Variants in MPP7 observed in about 807,000 individuals in gnomAD.
MPP7 encodes the protein MAGUK p55 subfamily member 7.
In MPP7, 60 loss-of-function variants were observed where a neutral mutation model predicts 76.5. That is an observed-to-expected ratio of 0.78 (90% CI 0.64 to 0.97). The LOEUF (loss-of-function observed/expected upper bound fraction) is 0.97, where lower values mean the gene tolerates loss of function less well. Ranked by LOEUF, MPP7 falls within the 50% of genes least tolerant of loss-of-function variation. MPP7 has a pLI of 0.00. For missense variants in MPP7, 641 were observed against 694.0 expected (o/e 0.92, Z 0.86); for synonymous variants, 237 against 244.5 (o/e 0.97, Z 0.29).
intron 3 of MPP7, among the ~76,000 whole-genome samples, chr10:28,151,550 T>G (rs1235131423): frequency 6.6e-6 from 1 of 152,230 alleles, no homozygotes; most frequent in African/African-American, 2.4e-5. Flanking sequence ...GCTTCCCTGC[T>G]ATAATAAACA....
chr10:28,195,645 A>G (rs1245199993), intron 3 of MPP7, among the ~76,000 whole-genome samples: 1 of 152,232 alleles, frequency 6.6e-6, no homozygotes. Context: ...AAAAAGCCAC[A>G]GATGATGCCA....
At chr10:28,162,873 TTC>T (rs148627992) in intron 3 of MPP7, among the ~76,000 whole-genome samples, 4 of 150,022 alleles carry the variant, frequency 2.7e-5, no homozygotes, top group Non-Finnish European at 3.0e-5. Context: ...CTCTCTCTCT[TTC>T]TCTCTCTCTC....
At position 28,125,091 on chromosome 10, in the gene MPP7, C is replaced by A. The variant is rs1222802298; in HGVS notation, c.448G>T (p.Gly150Ter). The stretch of plus-strand genomic sequence containing the variant: ...TGTTCATCCTTCTTAATGGTAGCTC[C>A]CTTTTAAGACAAAAACAAAAAGCAT... ...IRLVKNREPLGATIKKDEQTG... is the reference protein window; with the variant it reads ...IRLVKNREPL Residue 150 changes from glycine to a stop codon, truncating the protein, a stop_gained and splice_region_variant, in exon 7 of 17, where the codon GGA becomes TGA. Transcript: ENST00000683449. LOFTEE classifies it high-confidence loss of function. The A allele has an allele frequency of 6.2e-7, 1 of 1,613,544 alleles. No homozygotes were observed. The highest frequency in any genetic ancestry group is 8.5e-7 in the Non-Finnish European group (1 of 1,179,600).
chr10:28,185,789 TA>T (rs1479663699), intron 3 of MPP7, among the ~76,000 whole-genome samples: 2 of 152,224 alleles, frequency 1.3e-5, no homozygotes, highest in Non-Finnish European at 2.9e-5. Flanking sequence ...GAAATATAAT[TA>T]AATGTGGTGG....
At chr10:28,321,948 CGTGTGTGTGTGTGTGT>C (rs3064171) in intron 2 of MPP7, among the ~76,000 whole-genome samples, 13 of 143,460 alleles carry the variant, frequency 9.1e-5, no homozygotes, top group Admixed American at 6.3e-4. Flanking sequence ...TTTTTGTAGA[CGTGTGTGTGTGTGTGT>C]GTGTGTGTGT....
At chr10:28,265,450 T>C (rs534155091) in intron 1 of MPP7, among the ~76,000 whole-genome samples, 3 of 152,168 alleles carry the variant, frequency 2.0e-5, no homozygotes, top group African/African-American at 7.2e-5. Context: ...TCCCAGCTGC[T>C]TGGGAGGCTG....
intron 2 of MPP7, among the ~76,000 whole-genome samples, chr10:28,213,381 G>A (rs990933821): frequency 6.6e-6 from 1 of 152,114 alleles, no homozygotes; most frequent in African/African-American, 2.4e-5. Context: ...CCCACGTGGG[G>A]CAAATGTGGT....
chr10:28,145,511 C>CT (rs1835674956), intron 5 of MPP7, among the ~76,000 whole-genome samples: 1 of 151,988 alleles, frequency 6.6e-6, no homozygotes, highest in East Asian at 1.9e-4. Context: ...CTGAAATAGT[C>CT]TAAAATTTAT....
chr10:28,126,197 T>A (rs1194860319), intron 6 of MPP7, among the ~76,000 whole-genome samples: 6 of 152,214 alleles, frequency 3.9e-5, no homozygotes, highest in South Asian at 2.1e-4. Flanking sequence ...TTTCATCACC[T>A]GTGCATGTAT....
chr10:28,080,170 G>A (rs1852694535), intron 12 of MPP7, among the ~76,000 whole-genome samples: 1 of 151,916 alleles, frequency 6.6e-6, no homozygotes, highest in Non-Finnish European at 1.5e-5. Context: ...CAAAAGAAAA[G>A]TAAAAAGTGG....
At chr10:28,128,160 C>G (rs991317055) in intron 6 of MPP7, among the ~76,000 whole-genome samples, 10 of 152,004 alleles carry the variant, frequency 6.6e-5, no homozygotes, top group African/African-American at 2.4e-4. Flanking sequence ...GGGGCACAAC[C>G]TAGGAGGACC....
At chr10:28,222,402 C>G (rs185964795) in intron 2 of MPP7, among the ~76,000 whole-genome samples, 193 of 151,922 alleles carry the variant, frequency 1.3e-3, no homozygotes, top group Non-Finnish European at 2.3e-3. Flanking sequence ...GGAGGATCAC[C>G]TGGGCCTGGG....
rs887722050 is a variant in MPP7 at position 28,201,157 on chromosome 10, G to A, written c.156+996C>T. 3.9e-5 allele frequency among the ~76,000 whole-genome samples: 6 copies of A among 152,224 alleles called. No homozygotes were observed. In the East Asian group the frequency reaches 1.2e-3, roughly 29 times the overall value. ...AACATGGTCTTTAAATGTACTGCTAGGGAAATGCCACATATCAACACTTCC... is the reference window on the plus strand; with the variant it reads ...AACATGGTCTTTAAATGTACTGCTAAGGAAATGCCACATATCAACACTTCC... On this transcript the variant is annotated intron_variant, in intron 3 of 16. Transcript: ENST00000683449.
chr10:28,282,470 C>T (rs897207895), intron 1 of MPP7, among the ~76,000 whole-genome samples: 1 of 152,008 alleles, frequency 6.6e-6, no homozygotes, highest in African/African-American at 2.4e-5. Flanking sequence ...AAATTTGCTA[C>T]AGCAAATTAG....
rs185702414 is a variant in MPP7 at position 28,170,935 on chromosome 10, G to A, written c.157-20876C>T. Among the ~76,000 whole-genome samples the A allele has an allele frequency of 5.6e-4, 86 of 152,254 alleles. 2 individuals are homozygous for A. The highest frequency in any genetic ancestry group is 1.9e-3 in the African/African-American group (78 of 41,552). ...CTCACATGACGAGATAACAGTGATA[G>A]AATAACCATATCAGTATATCATATA... On this transcript the variant is annotated intron_variant, in intron 3 of 16. Transcript: ENST00000683449.
chr10:28,313,853 A>ATTTTTTTTTTTTTTTTT lies in MPP7; in HGVS notation c.-132+16075_-132+16076insAAAAAAAAAAAAAAAAA, dbSNP rs1192149562. 6.1e-5 allele frequency among the ~76,000 whole-genome samples: 2 copies of ATTTTTTTTTTTTTTTTT among 32,676 alleles called. 1 individual carries two copies. The highest frequency in any genetic ancestry group is 1.1e-4 in the Non-Finnish European group (2 of 18,990). The allele number at this position is 32,676 out of a possible 152,430, so 21.4% of individuals were successfully genotyped here. A position where few individuals can be genotyped will look rare whatever the true frequency, so the allele number is the denominator to read the frequency against. On this transcript the variant is annotated intron_variant, in intron 2 of 11. Transcript: ENST00000441595. The stretch of plus-strand genomic sequence containing the variant: ...AGGTGTGTGCCACTATACCTGGCTA[A>ATTTTTTTTTTTTTTTTT]TTTTTTTTTTTTTATTTTTTTTATT...
intron 2 of MPP7, among the ~76,000 whole-genome samples, chr10:28,213,057 A>G (rs1255975023): frequency 6.6e-6 from 1 of 152,056 alleles, no homozygotes; most frequent in Non-Finnish European, 1.5e-5. Flanking sequence ...CTCCTGCCTC[A>G]GCCTCCCGAG....
intron 7 of MPP7, 55 bp downstream of exon 7, chr10:28,124,955 T>C (rs1834968617): frequency 1.4e-6 from 2 of 1,413,100 alleles, no homozygotes; most frequent in Admixed American, 3.3e-5. Flanking sequence ...CTACTGGAAA[T>C]GCTACACACG....
chr10:28,132,644 G>A (rs1413215661), intron 5 of MPP7, among the ~76,000 whole-genome samples: 2 of 152,068 alleles, frequency 1.3e-5, no homozygotes, highest in African/African-American at 4.8e-5. Context: ...CTGTCGCCCA[G>A]GCTGTAGTGC....
Sources: allele counts gnomAD v4.1 joint callset (sites outside exome capture counted in the v4.1 genomes callset), GRCh38; gene constraint gnomAD v4.1.1; transcripts MANE v1.5; gene names NCBI Gene and HGNC (gene_info 2026-07-23, HGNC 2026-07-21).